Variants in MAPK4 observed in about 807,000 individuals in gnomAD.
MAPK4 encodes Erk3-related.
In MAPK4, 22 loss-of-function variants were observed where a neutral mutation model predicts 47.7. That is an observed-to-expected ratio of 0.46 (90% CI 0.33 to 0.66). MAPK4 has a LOEUF of 0.66. MAPK4 is among the 30% of genes least tolerant of loss of function. MAPK4 has a pLI of 0.02. For synonymous variants in MAPK4, 390 were observed against 365.7 expected, an observed-to-expected ratio of 1.07 and a Z score of -0.76; for missense variants, 736 against 831.7, an observed-to-expected ratio of 0.88 and a Z score of 1.42.
At chr18:50,627,502 C>T (rs912679319) in intron 1 of MAPK4, among the ~76,000 whole-genome samples, 8 of 152,182 alleles carry the variant, frequency 5.3e-5, no homozygotes, top group Admixed American at 1.3e-4. Flanking sequence ...CAGGCCAAAC[C>T]GAGCCTTGAG....
chr18:50,655,319 C>T (rs150626873), intron 1 of MAPK4, among the ~76,000 whole-genome samples: 252 of 152,240 alleles, frequency 1.7e-3, no homozygotes, highest in Middle Eastern at 3.4e-3. Context: ...GGGCTTTTGG[C>T]TCGGGTCGGT....
intron 2 of MAPK4, among the ~76,000 whole-genome samples, chr18:50,687,693 C>A (rs1908962304): frequency 6.6e-6 from 1 of 152,198 alleles, no homozygotes; most frequent in South Asian, 2.1e-4. Flanking sequence ...GCGGTGTGAC[C>A]TCGCCTGGCA....
At chr18:50,728,947 C>A (rs962192993) in intron 5 of MAPK4, among the ~76,000 whole-genome samples, 1 of 152,226 alleles carries the variant, frequency 6.6e-6, no homozygotes, top group African/African-American at 2.4e-5. Flanking sequence ...GTTTCGAATG[C>A]GTACAAAAGA....
chr18:50,602,259 C>T (rs1367470475), intron 1 of MAPK4, among the ~76,000 whole-genome samples: 1 of 152,202 alleles, frequency 6.6e-6, no homozygotes, highest in African/African-American at 2.4e-5. Flanking sequence ...ACTTATTTAA[C>T]TATAATGCCC....
At chr18:50,587,865 ATT>A (rs938238793) in intron 1 of MAPK4, among the ~76,000 whole-genome samples, 4 of 151,924 alleles carry the variant, frequency 2.6e-5, no homozygotes, top group African/African-American at 9.7e-5. Flanking sequence ...AGTAGCTGGG[ATT>A]ACAGGCGCCC....
intron 2 of MAPK4, among the ~76,000 whole-genome samples, chr18:50,684,751 G>A (rs1438937087): frequency 6.6e-6 from 1 of 152,132 alleles, no homozygotes; most frequent in Non-Finnish European, 1.5e-5. Context: ...AGGAAGACAG[G>A]TGAAGGCAGG....
chr18:50,637,245 G>A (rs2042896493), intron 1 of MAPK4, among the ~76,000 whole-genome samples: 1 of 152,170 alleles, frequency 6.6e-6, no homozygotes, highest in African/African-American at 2.4e-5. Context: ...CTTTTATTGA[G>A]CGCATAGCAT....
At chr18:50,609,185 C>T (rs1232305878) in intron 1 of MAPK4, among the ~76,000 whole-genome samples, 4 of 149,640 alleles carry the variant, frequency 2.7e-5, no homozygotes, top group South Asian at 2.1e-4. Context: ...CTTTTCTATT[C>T]GACAAAACCG....
At chr18:50,613,407 A>G (rs940522727) in intron 1 of MAPK4, among the ~76,000 whole-genome samples, 16 of 152,338 alleles carry the variant, frequency 1.1e-4, no homozygotes, top group African/African-American at 2.6e-4. Context: ...TACAGCTGCC[A>G]GGAAATAAAT....
intron 1 of MAPK4, among the ~76,000 whole-genome samples, chr18:50,635,744 AGTCTGGTCCACAGGCCCCCATG>A (rs2042880372): frequency 6.6e-6 from 1 of 152,170 alleles, no homozygotes; most frequent in Admixed American, 6.5e-5. Context: ...AGGCCCCTGC[AGTCTGGTCCACAGGCCCCCATG>A]GTCTGGTCCA....
chr18:50,695,087 T>C (rs1386388628), intron 2 of MAPK4, among the ~76,000 whole-genome samples: 1 of 152,108 alleles, frequency 6.6e-6, no homozygotes, highest in African/African-American at 2.4e-5. Context: ...GGCTCACGCC[T>C]ATAATACCAG....
intron 2 of MAPK4, among the ~76,000 whole-genome samples, chr18:50,691,550 T>C (rs1909217682): frequency 6.6e-6 from 1 of 152,222 alleles, no homozygotes; most frequent in Admixed American, 6.5e-5. Context: ...TGAGGCATAT[T>C]GTGTATACCT....
intron 4 of MAPK4, among the ~76,000 whole-genome samples, chr18:50,725,054 A>C (rs569360837): frequency 3.3e-5 from 5 of 152,330 alleles, no homozygotes; most frequent in Non-Finnish European, 7.3e-5. Flanking sequence ...CAGAGCTGCT[A>C]TCTGCTGAAT....
chr18:50,730,590 G>C lies in MAPK4; in HGVS notation c.*736G>C, dbSNP rs1598970384. The C allele has an allele frequency of 6.5e-6, 1 of 152,704 alleles. No homozygotes were observed. The highest frequency in any genetic ancestry group is 1.9e-4 in the East Asian group (1 of 5,172). The allele number at this position is 152,704 out of a possible 1,614,324, so 9.5% of individuals were successfully genotyped here. On this transcript the variant is annotated 3_prime_UTR_variant, in exon 6 of 6. Coordinates refer to ENST00000400384, the MANE Select transcript of MAPK4 (RefSeq NM_002747.4). ...TATTTGCCTCACCCCTGCATGGTCG[G>C]AAATCTTCGTTTCAGGTCAGAACAG...
At chr18:50,692,990 T>C (rs1020008860) in intron 2 of MAPK4, among the ~76,000 whole-genome samples, 13 of 152,182 alleles carry the variant, frequency 8.5e-5, no homozygotes, top group African/African-American at 2.9e-4. Context: ...GCACGGTGGC[T>C]CACGCCTGTA....
chr18:50,667,938 C>A (rs930573265), intron 2 of MAPK4, among the ~76,000 whole-genome samples: 1 of 152,164 alleles, frequency 6.6e-6, no homozygotes, highest in African/African-American at 2.4e-5. Flanking sequence ...CCCCTCCTTC[C>A]CACGAGTCAT....
intron 4 of MAPK4, 32 bp from the exon 5 acceptor site, chr18:50,725,930 A>G (rs1911166615): frequency 6.4e-7 from 1 of 1,569,660 alleles, no homozygotes. Flanking sequence ...AGGGCAACAA[A>G]TGACCTTCAT....
intron 1 of MAPK4, among the ~76,000 whole-genome samples, chr18:50,562,268 T>C (rs144096527): frequency 0.02 from 3,010 of 152,302 alleles, 98 homozygotes; most frequent in African/African-American, 0.068. Flanking sequence ...GTGAATCTCC[T>C]GTTGGGTTGG....
chr18:50,595,436 A>G (rs142552710), intron 1 of MAPK4, among the ~76,000 whole-genome samples: 292 of 152,360 alleles, frequency 1.9e-3, no homozygotes, highest in African/African-American at 6.6e-3. Context: ...AATCCAGGAA[A>G]AAAACATACC....
Sources: gnomAD v4.1 joint callset for allele counts (sites outside exome capture counted in the v4.1 genomes callset) on GRCh38, gnomAD v4.1.1 for gene constraint, MANE v1.5 for transcripts, NCBI Gene and HGNC (gene_info 2026-07-23, HGNC 2026-07-21) for gene names.